Variants in EMILIN2 observed in about 807,000 individuals in gnomAD.
EMILIN2 encodes elastin microfibril interfacer 2.
A neutral mutation model predicts 87.1 loss-of-function variants in EMILIN2; 71 were observed. That is an observed-to-expected ratio of 0.82 (90% CI 0.67 to 0.99). The LOEUF is 0.99. EMILIN2 is among the 50% of genes least tolerant of loss of function. EMILIN2 has a pLI of 0.00. For synonymous variants in EMILIN2, 581 were observed against 563.4 expected (o/e 1.03, Z -0.44); for missense variants, 1,407 against 1,371.8 (o/e 1.03, Z -0.40).
intron 2 of EMILIN2, among the ~76,000 whole-genome samples, chr18:2,876,060 C>T (rs2076746057): frequency 1.3e-5 from 2 of 149,746 alleles, no homozygotes; most frequent in East Asian, 4.0e-4. Context: ...TAGCTCACTG[C>T]AACCTCTGCC....
chr18:2,892,836 G>A (rs2076845688), intron 4 of EMILIN2, among the ~76,000 whole-genome samples: 1 of 149,518 alleles, frequency 6.7e-6, no homozygotes, highest in Admixed American at 6.7e-5. Context: ...TGGATCACCT[G>A]AGGTCAGGCA....
Position 2,906,972 on chromosome 18 carries a change from AG to A in EMILIN2, c.2551del (p.Ala851ProfsTer45). ...GSTGVIAETGQAGPPAGAGVS... is the reference protein window; with the variant it reads ...GSTGVIAETGXAGPPAGAGVS... ...ACCGGGGTCATCGCGGAGACGGGCCAGGCCGGGCCCCCCGCAGGCGCAGGCG... is the reference window on the plus strand; with the variant it reads ...ACCGGGGTCATCGCGGAGACGGGCCAGCCGGGCCCCCCGCAGGCGCAGGCG... On this transcript the variant is annotated frameshift_variant, in exon 5 of 8. Transcript: ENST00000254528. LOFTEE classifies it high-confidence loss of function. 1 of 1,394,452 alleles carries A rather than the reference AG, an allele frequency of 7.2e-7. No individual in the cohort carries two copies. Among genetic ancestry groups the A allele is most frequent in the Non-Finnish European group, 9.3e-7 (1 of 1,072,644 alleles). 86.4% of individuals were successfully genotyped at this position (1,394,452 alleles called of 1,614,324 possible).
chr18:2,911,337 G>A (rs887936100), intron 7 of EMILIN2, among the ~76,000 whole-genome samples: 2 of 152,192 alleles, frequency 1.3e-5, no homozygotes, highest in African/African-American at 4.8e-5. Flanking sequence ...CCCACGTGAG[G>A]TGTTCTTCCT....
chr18:2,879,013 C>G (rs1011086928), intron 2 of EMILIN2, among the ~76,000 whole-genome samples: 14 of 152,132 alleles, frequency 9.2e-5, no homozygotes, highest in African/African-American at 3.4e-4. Flanking sequence ...AGGCAAGGAG[C>G]CTTGCCTTGT....
intron 3 of EMILIN2, among the ~76,000 whole-genome samples, chr18:2,889,163 G>A (rs2076819889): frequency 1.7e-5 from 2 of 116,414 alleles, no homozygotes; most frequent in South Asian, 5.2e-4. Flanking sequence ...TTTGAGACAG[G>A]GTCTCTCTCT....
intron 2 of EMILIN2, among the ~76,000 whole-genome samples, chr18:2,858,581 GTGTA>G (rs1262537569): frequency 7.7e-5 from 5 of 64,792 alleles, no homozygotes; most frequent in African/African-American, 1.9e-4. Context: ...GTGTGTGTGT[GTGTA>G]TATATATATA....
At chr18:2,859,376 A>G (rs2076649570) in intron 2 of EMILIN2, among the ~76,000 whole-genome samples, 1 of 152,062 alleles carries the variant, frequency 6.6e-6, no homozygotes, top group Non-Finnish European at 1.5e-5. Context: ...TCTTTTGGGA[A>G]TTGTCCATTC....
intron 2 of EMILIN2, among the ~76,000 whole-genome samples, chr18:2,876,172 G>A (rs1224867936): frequency 4.6e-5 from 7 of 151,520 alleles, no homozygotes; most frequent in East Asian, 2.0e-4. Context: ...TAGTAGAGAC[G>A]GGGTTTCACA....
intron 2 of EMILIN2, among the ~76,000 whole-genome samples, chr18:2,872,037 T>C (rs1251189033): frequency 2.0e-5 from 3 of 152,218 alleles, no homozygotes; most frequent in Non-Finnish European, 2.9e-5. Context: ...CTGATGTAAC[T>C]GATCTTTGGC....
At position 2,907,611 on chromosome 18, in the gene EMILIN2, A is replaced by G. The variant is rs73375217; in HGVS notation, c.2662+526A>G. On this transcript the variant is annotated intron_variant, in intron 5 of 7. Coordinates refer to ENST00000254528, the MANE Select transcript of EMILIN2 (RefSeq NM_032048.3). ...AGTGCCCCACTGGGAAGTGCTCCCCATGAGTTGTGAATGTCTGCACCATTA... is the reference window on the plus strand; with the variant it reads ...AGTGCCCCACTGGGAAGTGCTCCCCGTGAGTTGTGAATGTCTGCACCATTA... 7.4e-3 allele frequency among the ~76,000 whole-genome samples: 1,134 copies of G among 152,304 alleles called. 15 individuals are homozygous for G. Among genetic ancestry groups the G allele is most frequent in the African/African-American group, 0.026 (1,078 of 41,564 alleles).
chr18:2,858,935 C>T (rs1012302382), intron 2 of EMILIN2, among the ~76,000 whole-genome samples: 5 of 152,090 alleles, frequency 3.3e-5, no homozygotes, highest in Non-Finnish European at 7.4e-5. Context: ...CACACCCGGC[C>T]CTATACCACA....
intron 2 of EMILIN2, 86 bp from the exon 3 acceptor site, chr18:2,884,878 C>T: frequency 6.9e-7 from 1 of 1,443,244 alleles, no homozygotes; most frequent in South Asian, 1.4e-5. Context: ...TCCTGCATGC[C>T]CTGAGTCCTC....
At chr18:2,910,792 TAGTC>T (rs775050252) in intron 7 of EMILIN2, among the ~76,000 whole-genome samples, 1 of 152,220 alleles carries the variant, frequency 6.6e-6, no homozygotes, top group Admixed American at 6.5e-5. Context: ...CATCTGTCCT[TAGTC>T]AGTGGCTCTT....
Position 2,885,082 on chromosome 18 carries a change from G to T in EMILIN2, c.376G>T (p.Val126Leu), listed in dbSNP as rs116693841. Residue 126 changes from valine (V) to leucine (L), a missense_variant, in exon 3 of 8, where the codon GTG (valine) becomes TTG (leucine). Transcript: ENST00000254528. ...GDCQEGPKDP[V>L]KTLRPTPARP... The stretch of plus-strand genomic sequence containing the variant: ...TTGCCAAGAAGGTCCCAAAGACCCC[G>T]TGAAGACCCTCCGCCCCACGCCGGC... 13 of 1,613,596 alleles carry T rather than the reference G, an allele frequency of 8.1e-6. No individual in the cohort carries two copies. The South Asian group carries it at 1.3e-4, about 16-fold the overall frequency.
intron 2 of EMILIN2, among the ~76,000 whole-genome samples, chr18:2,854,005 T>C (rs1386739889): frequency 6.6e-6 from 1 of 152,166 alleles, no homozygotes; most frequent in Non-Finnish European, 1.5e-5. Flanking sequence ...GTTTTAGTAT[T>C]GGGGGCTTTG....
At chr18:2,885,543 G>T (rs2076799238) in intron 3 of EMILIN2, among the ~76,000 whole-genome samples, 2 of 152,068 alleles carry the variant, frequency 1.3e-5, no homozygotes, top group African/African-American at 4.8e-5. Flanking sequence ...TTTTGAGATG[G>T]AGTCTCGCTC....
At chr18:2,897,878 A>G (rs1223988767) in intron 4 of EMILIN2, among the ~76,000 whole-genome samples, 4 of 151,836 alleles carry the variant, frequency 2.6e-5, no homozygotes, top group Non-Finnish European at 4.4e-5. Context: ...AAAAAAAAAA[A>G]AGCCTAGAGA....
At chr18:2,910,995 G>A (rs1301961767) in intron 7 of EMILIN2, among the ~76,000 whole-genome samples, 1 of 152,198 alleles carries the variant, frequency 6.6e-6, no homozygotes, top group Non-Finnish European at 1.5e-5. Flanking sequence ...AGTGGCAGTG[G>A]CCTTTGGGGT....
In EMILIN2 at chr18:2,885,103, C is replaced by T. The variant is rs1476684915; in HGVS notation, c.397C>T (p.Pro133Ser). The T allele has an allele frequency of 1.2e-6, 2 of 1,611,144 alleles. No individual in the cohort carries two copies. The highest frequency in any genetic ancestry group is 2.2e-5 in the South Asian group (2 of 90,622). Reference protein sequence around the residue: ...KDPVKTLRPTPARPRNSLKKA... With the variant: ...KDPVKTLRPTSARPRNSLKKA... The stretch of plus-strand genomic sequence containing the variant: ...CCCCGTGAAGACCCTCCGCCCCACG[C>T]CGGCTCGGCCTCGAAACAGCTTGAA... The change falls in exon 3 of 8, where the codon CCG (proline) becomes TCG (serine). Residue 133 changes from proline to serine, a missense_variant. Pro to Ser is a moderately conservative substitution (Grantham distance 74). Transcript: ENST00000254528.
Sources: gnomAD v4.1 joint callset for allele counts (sites outside exome capture counted in the v4.1 genomes callset) on GRCh38, gnomAD v4.1.1 for gene constraint, MANE v1.5 for transcripts, NCBI Gene and HGNC (gene_info 2026-07-23, HGNC 2026-07-21) for gene names.